FHIT: variants seen among roughly 807,000 people sequenced by gnomAD.
FHIT encodes fragile histidine triad diadenosine triphosphatase.
Under a neutral mutation model 17.9 loss-of-function variants are expected in FHIT, and 19 were observed. The observed-to-expected ratio is 1.06, with a 90% confidence interval of 0.74 to 1.56. The LOEUF (loss-of-function observed/expected upper bound fraction) is 1.56, where lower values mean the gene tolerates loss of function less well. FHIT is among the 40% of genes most tolerant of loss of function. The pLI, the probability that FHIT is intolerant of heterozygous loss-of-function variation, is 0.00. For synonymous variants in FHIT, 81 were observed against 69.7 expected (o/e 1.16, Z -0.81); for missense variants, 248 against 189.2 (o/e 1.31, Z -1.82).
intron 5 of FHIT, among the ~76,000 whole-genome samples, chr3:60,343,700 G>C (rs1710635490): frequency 6.6e-6 from 1 of 152,172 alleles, no homozygotes. Context: ...ACTATCTATA[G>C]TAGAATACCT....
chr3:60,107,435 G>A (rs966603456), intron 5 of FHIT, among the ~76,000 whole-genome samples: 14 of 151,984 alleles, frequency 9.2e-5, no homozygotes, highest in South Asian at 2.1e-4. Context: ...TTATTTGATC[G>A]AACAACAATT....
chr3:60,579,928 C>T (rs1553659048), intron 4 of FHIT, among the ~76,000 whole-genome samples: 1 of 152,116 alleles, frequency 6.6e-6, no homozygotes, highest in African/African-American at 2.4e-5. Flanking sequence ...ATTCCCACCA[C>T]ACTAAATGGA....
intron 4 of FHIT, among the ~76,000 whole-genome samples, chr3:60,635,637 G>A (rs78820991): frequency 4.2e-4 from 64 of 152,334 alleles, no homozygotes; most frequent in African/African-American, 1.3e-3. Flanking sequence ...CTGCCTGGCT[G>A]ACTCTTAGTA....
chr3:60,438,628 A>C (rs970284055), intron 5 of FHIT, among the ~76,000 whole-genome samples: 6 of 152,178 alleles, frequency 3.9e-5, no homozygotes, highest in Non-Finnish European at 7.3e-5. Flanking sequence ...AGCCTTCAAA[A>C]ATTACACACT....
At chr3:59,933,558 G>C (rs1706077407) in intron 7 of FHIT, among the ~76,000 whole-genome samples, 1 of 152,126 alleles carries the variant, frequency 6.6e-6, no homozygotes, top group African/African-American at 2.4e-5. Flanking sequence ...GCCGAGTTAA[G>C]ATTCTAAGTC....
chr3:60,794,007 A>T (rs1700884173), intron 4 of FHIT, among the ~76,000 whole-genome samples: 1 of 152,136 alleles, frequency 6.6e-6, no homozygotes, highest in Non-Finnish European at 1.5e-5. Context: ...ATGGTCCAAA[A>T]ATCAAAATGA....
At position 60,252,295 on chromosome 3, in the gene FHIT, G is replaced by A. The variant is rs535867161; in HGVS notation, c.104-238143C>T. Among the ~76,000 whole-genome samples the A allele has an allele frequency of 6.6e-5, 10 of 152,176 alleles. No individual in the cohort carries two copies. The South Asian group carries it at 2.1e-3, about 32-fold the overall frequency. Reference sequence around the variant, plus strand: ...CAAACAAAAGGAACCTGTAATCCCAGAACTTTGGGAAACCAAAGCGGGAAA... The same window carrying A: ...CAAACAAAAGGAACCTGTAATCCCAAAACTTTGGGAAACCAAAGCGGGAAA... On this transcript the variant is annotated intron_variant, in intron 5 of 9. Coordinates refer to ENST00000492590, the MANE Select transcript of FHIT (RefSeq NM_002012.4).
At position 60,814,894 on chromosome 3, in the gene FHIT, T is replaced by A. The variant is rs572312675; in HGVS notation, c.-18+7025A>T. Among the ~76,000 whole-genome samples, 39 of 151,580 alleles carry A rather than the reference T, an allele frequency of 2.6e-4. 1 individual carries two copies. In the South Asian group the frequency reaches 5.2e-3, roughly 20 times the overall value. ...TGGTTTTTTTTTGTTTGTTTAGTTTTGTTTTGTTTTTGTTGTTTTTTTTTT... is the reference window on the plus strand; with the variant it reads ...TGGTTTTTTTTTGTTTGTTTAGTTTAGTTTTGTTTTTGTTGTTTTTTTTTT... On this transcript the variant is annotated intron_variant, in intron 4 of 9. Transcript: ENST00000492590.
intron 5 of FHIT, among the ~76,000 whole-genome samples, chr3:60,140,430 G>A (rs1404594114): frequency 2.6e-5 from 4 of 152,064 alleles, no homozygotes; most frequent in Non-Finnish European, 5.9e-5. Flanking sequence ...GGCAGTGAGG[G>A]GGAAAAAGTT....
At chr3:60,683,969 T>C (rs1039425679) in intron 4 of FHIT, among the ~76,000 whole-genome samples, 3 of 152,190 alleles carry the variant, frequency 2.0e-5, no homozygotes, top group Non-Finnish European at 4.4e-5. Context: ...TTTTCTATTT[T>C]ACATGTCTCA....
At chr3:60,988,166 C>T (rs1222097773) in intron 3 of FHIT, among the ~76,000 whole-genome samples, 1 of 152,156 alleles carries the variant, frequency 6.6e-6, no homozygotes, top group Non-Finnish European at 1.5e-5. Flanking sequence ...AAAACCAGCA[C>T]ATGATCATTT....
intron 2 of FHIT, among the ~76,000 whole-genome samples, chr3:61,147,927 C>T (rs559135893): frequency 6.0e-4 from 91 of 151,732 alleles, no homozygotes; most frequent in Non-Finnish European, 8.0e-4. Context: ...AATGTGAAGG[C>T]GATCCATCAT....
At chr3:61,141,384 T>A (rs1277772332) in intron 2 of FHIT, among the ~76,000 whole-genome samples, 1 of 152,194 alleles carries the variant, frequency 6.6e-6, no homozygotes, top group Non-Finnish European at 1.5e-5. Context: ...GAAGTCTTAG[T>A]CATCCGCTCC....
At chr3:59,966,172 A>G (rs1299084924) in intron 7 of FHIT, among the ~76,000 whole-genome samples, 2 of 152,310 alleles carry the variant, frequency 1.3e-5, no homozygotes, top group Admixed American at 6.5e-5. Context: ...ATTCAAACAA[A>G]TAAGACTCTT....
At chr3:60,322,659 C>G (rs927761159) in intron 5 of FHIT, among the ~76,000 whole-genome samples, 4 of 152,158 alleles carry the variant, frequency 2.6e-5, no homozygotes, top group Admixed American at 6.5e-5. Context: ...TCTTTGAAAC[C>G]TGCACTTGCA....
intron 5 of FHIT, among the ~76,000 whole-genome samples, chr3:60,199,307 C>G (rs1250998855): frequency 1.3e-5 from 2 of 152,116 alleles, no homozygotes; most frequent in East Asian, 3.8e-4. Context: ...ATGTGATGCT[C>G]TCTGACATCA....
chr3:60,276,711 A>G (rs980134204), intron 5 of FHIT, among the ~76,000 whole-genome samples: 3 of 152,188 alleles, frequency 2.0e-5, no homozygotes, highest in African/African-American at 4.8e-5. Flanking sequence ...TATAGGAAGC[A>G]TAACACTAGC....
chr3:60,127,502 T>C (rs778096246), intron 5 of FHIT, among the ~76,000 whole-genome samples: 8 of 152,210 alleles, frequency 5.3e-5, no homozygotes, highest in Non-Finnish European at 8.8e-5. Context: ...CCCCATGATA[T>C]GAACCTCATT....
In FHIT at chr3:60,624,995, G is replaced by A. The variant is rs139828968; in HGVS notation, c.-17-88016C>T. Among the ~76,000 whole-genome samples, 48 of 152,076 alleles carry A rather than the reference G, an allele frequency of 3.2e-4. No homozygotes were observed. In the East Asian group the frequency reaches 3.5e-3, roughly 11 times the overall value. On this transcript the variant is annotated intron_variant, in intron 4 of 9. Transcript: ENST00000492590. ...ACAATCTCAGCTCACTGCAATCTCC[G>A]CCTCTCAGGCTCAAGCAATCCTCCC...
Sources: gnomAD v4.1 joint callset for allele counts (sites outside exome capture counted in the v4.1 genomes callset) on GRCh38, gnomAD v4.1.1 for gene constraint, MANE v1.5 for transcripts, NCBI Gene and HGNC (gene_info 2026-07-23, HGNC 2026-07-21) for gene names.